The following VAC14 variants were observed in gnomAD, a reference collection of about 807,000 sequenced individuals.
VAC14 encodes VAC14 component of PIKFYVE complex.
A neutral mutation model predicts 85.3 loss-of-function variants in VAC14; 47 were observed. The ratio of observed to expected loss-of-function variants is 0.55; its 90% CI spans 0.44 to 0.70. The LOEUF is 0.70. Ranked by LOEUF, VAC14 falls within the 30% of genes least tolerant of loss-of-function variation. The pLI, the probability that VAC14 is intolerant of heterozygous loss-of-function variation, is 0.00. For missense variants in VAC14, 861 were observed against 1,004.3 expected (o/e 0.86, Z 1.93); for synonymous variants, 447 against 430.5 (o/e 1.04, Z -0.47).
chr16:70,742,947 C>G (rs2030490898), intron 13 of VAC14, among the ~76,000 whole-genome samples: 1 of 152,234 alleles, frequency 6.6e-6, no homozygotes. Context: ...AATCAGTGCT[C>G]TGTGTCTAGC....
chr16:70,751,577 G>C (rs962269626), intron 12 of VAC14, among the ~76,000 whole-genome samples: 4 of 152,210 alleles, frequency 2.6e-5, no homozygotes, highest in African/African-American at 4.8e-5. Flanking sequence ...CCCTTCCTTC[G>C]TGAGGGGTGC....
At chr16:70,723,284 C>T (rs1384199121) in intron 14 of VAC14, among the ~76,000 whole-genome samples, 1 of 151,236 alleles carries the variant, frequency 6.6e-6, no homozygotes, top group Non-Finnish European at 1.5e-5. Context: ...CCTCTTACTC[C>T]AAAATAAAAA....
At chr16:70,742,573 G>A (rs541774876) in intron 13 of VAC14, among the ~76,000 whole-genome samples, 7 of 152,346 alleles carry the variant, frequency 4.6e-5, no homozygotes, top group East Asian at 1.9e-4. Context: ...CCCCGACCAC[G>A]GCCACTGACT....
intron 12 of VAC14, among the ~76,000 whole-genome samples, chr16:70,750,740 T>C (rs534579170): frequency 6.6e-6 from 1 of 152,228 alleles, no homozygotes; most frequent in South Asian, 2.1e-4. Context: ...CTCTCTGGGA[T>C]GGTGGCTGCT....
At position 70,800,987 on chromosome 16, in the gene VAC14, C is replaced by T. The variant is rs1043649052; in HGVS notation, c.-87G>A. ...CAGGGGAGTCTGCGGCTCCGCTCTG[C>T]CCCCGGCGCCGGCGCATGGACCACG... On this transcript the variant is annotated 5_prime_UTR_variant, in exon 1 of 19. Coordinates refer to ENST00000261776, the MANE Select transcript of VAC14 (RefSeq NM_018052.5). 2.2e-6 allele frequency: 2 copies of T among 916,462 alleles called. No homozygotes were observed. Among genetic ancestry groups the T allele is most frequent in the Non-Finnish European group, 3.1e-6 (2 of 651,266 alleles). The allele number at this position is 916,462 out of a possible 1,614,324, so 56.8% of individuals were successfully genotyped here.
chr16:70,788,908 A>G (rs1431969822), intron 1 of VAC14, among the ~76,000 whole-genome samples: 1 of 152,234 alleles, frequency 6.6e-6, no homozygotes, highest in Non-Finnish European at 1.5e-5. Context: ...TTCCCTGCTA[A>G]GTGCACACAT....
chr16:70,739,071 A>G (rs2029997007), intron 13 of VAC14, among the ~76,000 whole-genome samples: 1 of 152,234 alleles, frequency 6.6e-6, no homozygotes, highest in African/African-American at 2.4e-5. Context: ...GACACAAGCA[A>G]AGGCCCCCTT....
intron 13 of VAC14, among the ~76,000 whole-genome samples, chr16:70,734,895 T>G (rs1220061016): frequency 6.6e-6 from 1 of 152,298 alleles, no homozygotes; most frequent in East Asian, 1.9e-4. Context: ...GTCACATAGC[T>G]GGCGAGTGCT....
intron 4 of VAC14, 134 bp downstream of exon 4, chr16:70,784,641 CA>C: frequency 1.1e-6 from 1 of 874,206 alleles, no homozygotes; most frequent in South Asian, 1.6e-5. Context: ...TAGAACTGCA[CA>C]CCAGGGAGTA....
chr16:70,763,030 G>C lies in VAC14; in HGVS notation c.1161-5C>G. 6.2e-7 allele frequency: 1 copy of C among 1,614,148 alleles called. No homozygotes were observed. Among genetic ancestry groups the C allele is most frequent in the Non-Finnish European group, 8.5e-7 (1 of 1,180,008 alleles). ...GTCACTGGGGCTCTTTCAGTGCTGT[G>C]GGTAAGATCGGGAGGGAGAGCAGAG... is the stretch of plus-strand genomic sequence containing the variant. On this transcript the variant is annotated splice_polypyrimidine_tract_variant and splice_region_variant and intron_variant, in intron 10 of 18. Transcript: ENST00000261776.
intron 10 of VAC14, among the ~76,000 whole-genome samples, chr16:70,766,031 G>T (rs1165506813): frequency 2.0e-5 from 3 of 151,962 alleles, no homozygotes; most frequent in African/African-American, 7.3e-5. Context: ...CACTCGGGAG[G>T]CTGAAGTGGG....
chr16:70,784,816 T>C lies in VAC14; in HGVS notation c.446A>G (p.Asn149Ser), dbSNP rs768674857. ...TAGGAGCTCAGATCCGCTTTTCACA[T>C]TGGGGTCTGGGTCGGCTGCCAGCTG... ...LSKLAADPDPNVKSGSELLDR... is the reference protein window; with the variant it reads ...LSKLAADPDPSVKSGSELLDR... Residue 149 changes from asparagine (N) to serine (S), a missense_variant, in exon 4 of 19, where the codon AAT becomes AGT. Physicochemically the swap from Asn to Ser is conservative, Grantham distance 46 (BLOSUM62 1). Transcript: ENST00000261776. The C allele has an allele frequency of 7.4e-6, 12 of 1,613,980 alleles. No individual in the cohort carries two copies. Among genetic ancestry groups the C allele is most frequent in the Non-Finnish European group, 8.5e-6 (10 of 1,179,988 alleles).
chr16:70,751,416 C>T (rs1480717598), intron 12 of VAC14, among the ~76,000 whole-genome samples: 6 of 152,346 alleles, frequency 3.9e-5, no homozygotes, highest in East Asian at 3.9e-4. Flanking sequence ...CTGCCTGGAG[C>T]GGTCAGGTCG....
At chr16:70,768,936 G>A (rs548583796) in intron 10 of VAC14, 28 of 405,864 alleles carry the variant, frequency 6.9e-5, no homozygotes, top group Non-Finnish European at 1.2e-4. Context: ...AAGTAGCTAG[G>A]AGTACAGGTA....
At chr16:70,751,303 A>G (rs1307314788) in intron 12 of VAC14, among the ~76,000 whole-genome samples, 6 of 152,218 alleles carry the variant, frequency 3.9e-5, no homozygotes, top group Non-Finnish European at 8.8e-5. Context: ...AATGTTTCCA[A>G]CGGACACACT....
chr16:70,719,698 G>A (rs1243926913), intron 14 of VAC14, among the ~76,000 whole-genome samples: 2 of 152,106 alleles, frequency 1.3e-5, no homozygotes, highest in East Asian at 1.9e-4. Flanking sequence ...AATCAGAATG[G>A]CTAAAATCAA....
chr16:70,745,530 C>T (rs1000713713), intron 12 of VAC14, among the ~76,000 whole-genome samples: 13 of 150,008 alleles, frequency 8.7e-5, no homozygotes, highest in East Asian at 1.9e-4. Context: ...CGCGTGTGCG[C>T]GCGTGTGCCT....
intron 4 of VAC14, among the ~76,000 whole-genome samples, chr16:70,784,485 C>T (rs1383876969): frequency 6.6e-6 from 1 of 152,104 alleles, no homozygotes; most frequent in Non-Finnish European, 1.5e-5. Flanking sequence ...GGATGGAATG[C>T]CCAGGCCCCT....
chr16:70,697,373 G>A, intron 15 of VAC14, 116 bp from the exon 16 acceptor site: 1 of 766,546 alleles, frequency 1.3e-6, no homozygotes, highest in Non-Finnish European at 2.1e-6. Context: ...TTCAGTCGGG[G>A]GCAGCCAGAG....
Sources: gnomAD v4.1 joint callset for allele counts (sites outside exome capture counted in the v4.1 genomes callset) on GRCh38, gnomAD v4.1.1 for gene constraint, MANE v1.5 for transcripts, NCBI Gene and HGNC (gene_info 2026-07-23, HGNC 2026-07-21) for gene names.